The following DOCK2 variants were observed in gnomAD, a reference collection of about 807,000 sequenced individuals.
DOCK2 encodes the protein dedicator of cytokinesis protein 2.
A neutral mutation model predicts 248.9 loss-of-function variants in DOCK2; 87 were observed. The observed-to-expected ratio is 0.35, with a 90% CI of 0.29 to 0.42. DOCK2 has a LOEUF of 0.42. DOCK2 is among the 10% of genes least tolerant of loss of function. The pLI, the probability that DOCK2 is intolerant of heterozygous loss-of-function variation, is 1.00. For synonymous variants in DOCK2, 805 were observed against 821.6 expected (o/e 0.98, Z 0.35); for missense variants, 1,747 against 2,300.2 (o/e 0.76, Z 4.92).
intron 27 of DOCK2, among the ~76,000 whole-genome samples, chr5:169,969,565 T>G (rs1275170694): frequency 6.6e-6 from 1 of 151,736 alleles, no homozygotes; most frequent in Admixed American, 6.6e-5. Flanking sequence ...TGTAGGAGAG[T>G]GGGGAGAATT....
intron 27 of DOCK2, among the ~76,000 whole-genome samples, chr5:169,968,987 A>C (rs1195250954): frequency 2.0e-5 from 3 of 152,214 alleles, no homozygotes; most frequent in Non-Finnish European, 4.4e-5. Flanking sequence ...TGCCTCTACA[A>C]AAAATTTTGA....
chr5:169,703,174 C>T (rs1761077683), intron 14 of DOCK2, among the ~76,000 whole-genome samples: 1 of 151,968 alleles, frequency 6.6e-6, no homozygotes, highest in African/African-American at 2.4e-5. Context: ...TTAGCATGGG[C>T]GAATATTCCT....
At chr5:169,878,727 T>C (rs182476235) in intron 27 of DOCK2, among the ~76,000 whole-genome samples, 2 of 152,284 alleles carry the variant, frequency 1.3e-5, no homozygotes, top group Admixed American at 6.5e-5. Context: ...ACTCAACCCT[T>C]TGGGTAACTT....
intron 27 of DOCK2, among the ~76,000 whole-genome samples, chr5:169,961,887 G>C (rs549978787): frequency 2.4e-4 from 35 of 147,430 alleles, no homozygotes; most frequent in Non-Finnish European, 3.6e-4. Flanking sequence ...GCTGAGGCAG[G>C]AGAATCACTT....
At chr5:169,852,712 C>T (rs949568979) in intron 27 of DOCK2, among the ~76,000 whole-genome samples, 1 of 152,364 alleles carries the variant, frequency 6.6e-6, no homozygotes, top group African/African-American at 2.4e-5. Context: ...GTGGGCTCCT[C>T]TCCCTGCTTT....
chr5:170,034,631 T>C, intron 35 of DOCK2, 76 bp downstream of exon 35: 1 of 1,569,664 alleles, frequency 6.4e-7, no homozygotes, highest in Non-Finnish European at 8.6e-7. Context: ...GTCTCACGAT[T>C]GTTCTTCATA....
intron 44 of DOCK2, among the ~76,000 whole-genome samples, chr5:170,060,969 G>A (rs1757308216): frequency 6.6e-6 from 1 of 152,076 alleles, no homozygotes; most frequent in Non-Finnish European, 1.5e-5. Flanking sequence ...GGCGGAGGTT[G>A]CAGTGAGCCG....
chr5:170,053,239 A>T (rs557362463), intron 41 of DOCK2, among the ~76,000 whole-genome samples: 3 of 152,338 alleles, frequency 2.0e-5, no homozygotes, highest in Admixed American at 6.5e-5. Context: ...AGTGGCTAAG[A>T]TCAGTAAACA....
chr5:169,874,113 T>C (rs1772159225), intron 27 of DOCK2, among the ~76,000 whole-genome samples: 1 of 152,072 alleles, frequency 6.6e-6, no homozygotes, highest in South Asian at 2.1e-4. Context: ...GCATCAATAA[T>C]GATTAAAATA....
At chr5:169,836,517 G>A (rs1769591210) in intron 26 of DOCK2, among the ~76,000 whole-genome samples, 1 of 152,158 alleles carries the variant, frequency 6.6e-6, no homozygotes, top group Non-Finnish European at 1.5e-5. Context: ...TTCCTGAGAG[G>A]GTAAAAGGAC....
chr5:169,993,352 C>G (rs1029162812), intron 29 of DOCK2, among the ~76,000 whole-genome samples: 2 of 152,224 alleles, frequency 1.3e-5, no homozygotes, highest in Non-Finnish European at 2.9e-5. Flanking sequence ...TGTCCTCTGT[C>G]TGCCCTGTTG....
At chr5:169,784,436 G>A (rs566602083) in intron 25 of DOCK2, among the ~76,000 whole-genome samples, 3 of 152,314 alleles carry the variant, frequency 2.0e-5, no homozygotes, top group African/African-American at 7.2e-5. Flanking sequence ...CAAGTTGGTG[G>A]CAGAATTGGG....
At chr5:169,966,292 G>T (rs1221421037) in intron 27 of DOCK2, among the ~76,000 whole-genome samples, 1 of 152,094 alleles carries the variant, frequency 6.6e-6, no homozygotes, top group Non-Finnish European at 1.5e-5. Flanking sequence ...GATTATTTTG[G>T]GGGGCGGGGG....
At chr5:169,765,091 C>CACACACAG (rs1764698841) in intron 25 of DOCK2, among the ~76,000 whole-genome samples, 1 of 151,846 alleles carries the variant, frequency 6.6e-6, no homozygotes, top group Non-Finnish European at 1.5e-5. Flanking sequence ...CACACACACA[C>CACACACAG]ACACACACAC....
chr5:169,700,504 T>C (rs1760902849), intron 13 of DOCK2, among the ~76,000 whole-genome samples: 1 of 150,874 alleles, frequency 6.6e-6, no homozygotes, highest in African/African-American at 2.5e-5. Context: ...TCTGGGAGAA[T>C]ATTGTCATTC....
At chr5:169,904,162 T>G (rs1324288090) in intron 27 of DOCK2, among the ~76,000 whole-genome samples, 1 of 151,922 alleles carries the variant, frequency 6.6e-6, no homozygotes, top group Non-Finnish European at 1.5e-5. Flanking sequence ...CTAGATCCTT[T>G]GTACTTTCTT....
intron 27 of DOCK2, among the ~76,000 whole-genome samples, chr5:169,886,368 G>A (rs1772970374): frequency 6.6e-6 from 1 of 152,190 alleles, no homozygotes; most frequent in African/African-American, 2.4e-5. Flanking sequence ...GCAACTTTTA[G>A]AATTGGTTCT....
intron 27 of DOCK2, chr5:169,883,690 G>GCTT: frequency 6.4e-7 from 1 of 1,551,256 alleles, no homozygotes; most frequent in Non-Finnish European, 8.7e-7. Flanking sequence ...GTGCCTGGTT[G>GCTT]CTTGAGTCTT....
rs749661652 is a variant in DOCK2, at chr5:169,690,711, G to A, written c.843+1378G>A. ...GATGTTGCATGAGAGGGAGAAGAAC[G>A]GGGAATCAATCAGTGGTTCATTTTG... On this transcript the variant is annotated intron_variant, in intron 9 of 51. Coordinates refer to ENST00000520908, the MANE Select transcript of DOCK2 (RefSeq NM_004946.3). Among the ~76,000 whole-genome samples, 12 of 152,316 alleles carry A rather than the reference G, an allele frequency of 7.9e-5. No homozygotes were observed. The South Asian group carries it at 1.0e-3, about 13-fold the overall frequency.
Sources: allele counts gnomAD v4.1 joint callset (sites outside exome capture counted in the v4.1 genomes callset), GRCh38; gene constraint gnomAD v4.1.1; transcripts MANE v1.5; gene names NCBI Gene and HGNC (gene_info 2026-07-23, HGNC 2026-07-21).